Variants in NAV1 observed in about 807,000 individuals in gnomAD.
NAV1 encodes the protein neuron navigator 1.
NAV1 carries 18 observed loss-of-function variants against 175.2 expected under a neutral mutation model. That is an observed-to-expected ratio of 0.10 (90% CI 0.07 to 0.15). The LOEUF is 0.15. Ranked by LOEUF, NAV1 falls within the 10% of genes least tolerant of loss-of-function variation. The pLI, the probability that NAV1 is intolerant of heterozygous loss-of-function variation, is 1.00. For missense variants in NAV1, 1,731 were observed against 2,436.6 expected, an observed-to-expected ratio of 0.71 and a Z score of 6.10; for synonymous variants, 897 against 978.7, an observed-to-expected ratio of 0.92 and a Z score of 1.56.
chr1:201,804,579 TAAAAAAA>T, intron 17 of NAV1, 82 bp downstream of exon 21: 53 of 356,412 alleles, frequency 1.5e-4, no homozygotes, highest in Middle Eastern at 6.0e-4. Context: ...TCCCTTCCCC[TAAAAAAA>T]AAAAAAAAAA....
intron 2 of NAV1, among the ~76,000 whole-genome samples, chr1:201,616,556 C>T (rs1558020496): frequency 6.6e-6 from 1 of 152,014 alleles, no homozygotes; most frequent in African/African-American, 2.4e-5. Flanking sequence ...AGCGCAATCT[C>T]GGCTCACTGC....
intron 1 of NAV1, among the ~76,000 whole-genome samples, chr1:201,540,770 G>A (rs1187044049): frequency 6.6e-6 from 1 of 152,204 alleles, no homozygotes; most frequent in Non-Finnish European, 1.5e-5. Context: ...TTTAGGGGAA[G>A]TTTTCAATCA....
chr1:201,663,652 G>A (rs1232635665), intron 1 of NAV1, among the ~76,000 whole-genome samples: 1 of 152,188 alleles, frequency 6.6e-6, no homozygotes, highest in African/African-American at 2.4e-5. Flanking sequence ...GGGGAGGAAC[G>A]AGGCCAAGAC....
rs1405333726 is a variant in NAV1, at chr1:201,740,480, G to A, written c.1226+21725G>A. Among the ~76,000 whole-genome samples the A allele has an allele frequency of 6.6e-6, 1 of 152,218 alleles. No individual in the cohort carries two copies. The highest frequency in any genetic ancestry group is 2.4e-5 in the African/African-American group (1 of 41,456). The stretch of plus-strand genomic sequence containing the variant: ...GCCTGTGAGGGTCGGGGGTCCTGGG[G>A]ACCAGGCGGGTGGAAGGAGGAGGGG... On this transcript the variant is annotated intron_variant, in intron 3 of 29. Coordinates refer to ENST00000367296, the Ensembl canonical transcript of NAV1. The surrounding 1 kb of genome is among the most constrained non-coding windows in gnomAD (Gnocchi z 4.7).
intron 3 of NAV1, among the ~76,000 whole-genome samples, chr1:201,732,538 G>A (rs1231599035): frequency 6.6e-6 from 1 of 152,078 alleles, no homozygotes; most frequent in African/African-American, 2.4e-5. Flanking sequence ...TTGGGAAGTA[G>A]AGTAGCAAAG....
At chr1:201,622,712 TC>T (rs567279052), upstream of NAV1, among the ~76,000 whole-genome samples, 80 of 152,184 alleles carry the variant, frequency 5.3e-4, no homozygotes, top group Non-Finnish European at 1.6e-4. Flanking sequence ...AGTGACCCAG[TC>T]ACAATGCGAA....
chr1:201,800,579 C>A (rs1369301454), intron 15 of NAV1, among the ~76,000 whole-genome samples: 2 of 152,064 alleles, frequency 1.3e-5, no homozygotes, highest in Non-Finnish European at 2.9e-5. Context: ...TACTATCTGG[C>A]CCTTTACAGT....
chr1:201,808,180 C>A lies in NAV1; in HGVS notation c.3845+31C>A, dbSNP rs1191645812. 9 of 1,610,082 alleles carry A rather than the reference C, an allele frequency of 5.6e-6. No individual in the cohort carries two copies. Among genetic ancestry groups the A allele is most frequent in the Non-Finnish European group, 7.6e-6 (9 of 1,176,898 alleles). ...TGCTCTTTGGCTCCCTGCCACCCAG[C>A]CTGTTACCAGTGTAAGCTGTGGGCT... On this transcript the variant is annotated intron_variant, in intron 18 of 29. Transcript: ENST00000367296. The surrounding 1 kb of genome is among the most constrained non-coding windows in gnomAD (Gnocchi z 5.5).
intron 8 of NAV1, 111 bp from the exon 13 acceptor site, chr1:201,786,318 C>A (rs1168865632): frequency 1.7e-6 from 2 of 1,149,878 alleles, no homozygotes; most frequent in African/African-American, 3.1e-5. Context: ...TTTTCCATGT[C>A]CTGCTTTCAG....
intron 1 of NAV1, among the ~76,000 whole-genome samples, chr1:201,701,717 A>G (rs1188515356): frequency 6.6e-6 from 1 of 152,268 alleles, no homozygotes; most frequent in Non-Finnish European, 1.5e-5. Context: ...ATGGCTATCA[A>G]AAAGAGACAA....
chr1:201,700,872 G>A (rs1370730856), intron 1 of NAV1, among the ~76,000 whole-genome samples: 13 of 151,716 alleles, frequency 8.6e-5, no homozygotes, highest in African/African-American at 2.4e-4. Context: ...TTAGCCAGGC[G>A]TGGTGGCAGG....
At chr1:201,579,052 G>A (rs1187853513) in intron 1 of NAV1, among the ~76,000 whole-genome samples, 1 of 151,884 alleles carries the variant, frequency 6.6e-6, no homozygotes, top group Non-Finnish European at 1.5e-5. Context: ...AGAATCGCTC[G>A]AACCTGGGAG....
chr1:201,770,001 G>A (rs951784764), intron 3 of NAV1, among the ~76,000 whole-genome samples: 3 of 152,216 alleles, frequency 2.0e-5, no homozygotes, highest in East Asian at 1.9e-4. Flanking sequence ...TTTTTCCTAT[G>A]TAGTCACAAG....
chr1:201,562,720 T>C (rs901728675), intron 1 of NAV1, among the ~76,000 whole-genome samples: 1 of 152,174 alleles, frequency 6.6e-6, no homozygotes, highest in African/African-American at 2.4e-5. Context: ...ATGTGGCATC[T>C]CTTTCTGTTT....
chr1:201,555,551 C>T (rs1184901769), intron 1 of NAV1, among the ~76,000 whole-genome samples: 1 of 152,036 alleles, frequency 6.6e-6, no homozygotes, highest in Non-Finnish European at 1.5e-5. Flanking sequence ...GAAGCTTCCT[C>T]TAGGTTCCAT....
intron 1 of NAV1, among the ~76,000 whole-genome samples, chr1:201,696,809 C>T (rs1571890599): frequency 6.6e-6 from 1 of 152,332 alleles, no homozygotes; most frequent in East Asian, 1.9e-4. Flanking sequence ...TAACTGACCT[C>T]TCTGAGCCAA....
chr1:201,743,362 C>G (rs773972300), intron 3 of NAV1, among the ~76,000 whole-genome samples: 5 of 152,218 alleles, frequency 3.3e-5, no homozygotes. Context: ...TGCCACCCAA[C>G]CAGTGGGGAG....
intron 1 of NAV1, among the ~76,000 whole-genome samples, chr1:201,695,941 C>T (rs1056201140): frequency 4.6e-5 from 7 of 152,354 alleles, no homozygotes; most frequent in African/African-American, 1.4e-4. Context: ...CCCTGCCCTA[C>T]TCTCAGGAGA....
intron 1 of NAV1, among the ~76,000 whole-genome samples, chr1:201,554,417 C>T (rs970756427): frequency 6.6e-6 from 1 of 152,154 alleles, no homozygotes; most frequent in African/African-American, 2.4e-5. Context: ...AAGCAGTGGG[C>T]ATTCCATAAA....
Sources: allele counts gnomAD v4.1 joint callset (sites outside exome capture counted in the v4.1 genomes callset), GRCh38; gene constraint gnomAD v4.1.1; non-coding constraint Gnocchi (gnomAD v3.1); transcripts MANE v1.5; gene names NCBI Gene and HGNC (gene_info 2026-07-23, HGNC 2026-07-21).